Variants in SBNO2 observed in about 807,000 individuals in gnomAD.
The protein encoded by SBNO2 is protein strawberry notch homolog 2.
In SBNO2, 89 loss-of-function variants were observed where a neutral mutation model predicts 146.3. That is an observed-to-expected ratio of 0.61 (90% CI 0.51 to 0.73). The LOEUF is 0.73. Among genes scored for constraint, SBNO2 ranks in the 30% least tolerant of loss-of-function variants. The pLI, the probability that SBNO2 is intolerant of heterozygous loss-of-function variation, is 0.00. For synonymous variants in SBNO2, 1,147 were observed against 892.6 expected (o/e 1.29, Z -5.08); for missense variants, 2,092 against 2,003.7 (o/e 1.04, Z -0.84).
At chr19:1,113,053 C>T (rs533557019) in intron 19 of SBNO2, 104 bp from the exon 20 acceptor site, 1 of 1,355,048 alleles carries the variant, frequency 7.4e-7, no homozygotes, top group Non-Finnish European at 9.9e-7. Flanking sequence ...GTCATGGGCT[C>T]CCAGCTGTGC....
rs1073667 is a variant in SBNO2, at chr19:1,126,921, C to G, written c.441+683G>C. Among the ~76,000 whole-genome samples the G allele has an allele frequency of 6.6e-6, 1 of 152,230 alleles. No homozygotes were observed. The highest frequency in any genetic ancestry group is 1.5e-5 in the Non-Finnish European group (1 of 68,030). ...CGGCTAGAGGCTAGGCCCGAAGAAC[C>G]TGGGGGCCCTGCTGCCCTACAACCC... On this transcript the variant is annotated intron_variant, in intron 5 of 31. Transcript: ENST00000361757. The surrounding 1 kb of genome is among the most constrained non-coding windows in gnomAD (Gnocchi z 4.4).
intron 2 of SBNO2, among the ~76,000 whole-genome samples, chr19:1,149,842 G>A (rs1341085994): frequency 6.6e-6 from 1 of 152,216 alleles, no homozygotes; most frequent in Non-Finnish European, 1.5e-5. Context: ...TTTGCGTGAG[G>A]GAGACGCGCA....
rs1280572340 is a variant in SBNO2 at position 1,112,181 on chromosome 19, C to G, written c.2628+8G>C. The stretch of plus-strand genomic sequence containing the variant: ...CCCTGGTTCTCAGCCCCACCCCCAC[C>G]TGCTCACCAGACTCTCCAGGCGCTT... On this transcript the variant is annotated splice_region_variant and intron_variant, in intron 22 of 31. Coordinates refer to ENST00000361757, the MANE Select transcript of SBNO2 (RefSeq NM_014963.3). The surrounding 1 kb of genome is among the most constrained non-coding windows in gnomAD (Gnocchi z 5.9). 3 of 1,584,082 alleles carry G rather than the reference C, an allele frequency of 1.9e-6. No homozygotes were observed.
chr19:1,126,647 G>A lies in SBNO2; in HGVS notation c.441+957C>T, dbSNP rs1035969783. On this transcript the variant is annotated intron_variant, in intron 5 of 31. Transcript: ENST00000361757. This position sits in a 1 kb window ranked among gnomAD's most constrained non-coding sequence, Gnocchi z 4.4. Reference sequence around the variant, plus strand: ...CCCAAGCCCGTGAGTTCTGCTGCCCGGGTTGCCCCTTCCTGAGGGCCCGGG... The same window carrying A: ...CCCAAGCCCGTGAGTTCTGCTGCCCAGGTTGCCCCTTCCTGAGGGCCCGGG... Among the ~76,000 whole-genome samples, 7 of 152,148 alleles carry A rather than the reference G, an allele frequency of 4.6e-5. No individual in the cohort carries two copies. Among genetic ancestry groups the A allele is most frequent in the East Asian group, 1.9e-4 (1 of 5,188 alleles).
rs1197392177 is a variant in SBNO2, at chr19:1,109,180, T to C, written c.3380A>G (p.Glu1127Gly). 1.9e-6 allele frequency: 3 copies of C among 1,561,322 alleles called. No homozygotes were observed. Among genetic ancestry groups the C allele is most frequent in the South Asian group, 1.2e-5 (1 of 85,010 alleles). ...VTAEEAKEPW[E>G]SGYALSLTHC... ...CGTCAGCGACAAAGCGTAGCCACTCTCCCAGGGCTCCTTGGCCTCCTCCGC... is the reference window on the plus strand; with the variant it reads ...CGTCAGCGACAAAGCGTAGCCACTCCCCCAGGGCTCCTTGGCCTCCTCCGC... Residue 1127 changes from glutamate (E) to glycine (G), a missense_variant, in exon 30 of 32, where the codon GAG (glutamate) becomes GGG (glycine). By Grantham distance (98) the Glu-to-Gly change is moderately conservative. Transcript: ENST00000361757. This position sits in a 1 kb window ranked among gnomAD's most constrained non-coding sequence, Gnocchi z 4.2.
Position 1,140,313 on chromosome 19 carries a change from AAGC to A in SBNO2, c.279+6993_279+6995del, listed in dbSNP as rs1170605992. 1.4e-4 allele frequency among the ~76,000 whole-genome samples: 21 copies of A among 151,910 alleles called. No homozygotes were observed. The highest frequency in any genetic ancestry group is 3.1e-4 in the African/African-American group (13 of 41,492). ...AGATTTCATCTCAAAAAAAAAAAAA[AAGC>A]AGCAGCAACACAGAGCCACGTGTCC... On this transcript the variant is annotated intron_variant, in intron 4 of 31. Transcript: ENST00000361757. This position sits in a 1 kb window ranked among gnomAD's most constrained non-coding sequence, Gnocchi z 4.4.
rs542765522 is a variant in SBNO2, at chr19:1,116,806, C to A, written c.1802+23G>T. 15 of 1,558,150 alleles carry A rather than the reference C, an allele frequency of 9.6e-6. No individual in the cohort carries two copies. The East Asian group carries it at 3.1e-4, about 32-fold the overall frequency. ...GCCATGAGCGCAGGAAGCCCACAGTCCTGTCCCCACCGTGACACTTACTCA... is the reference window on the plus strand; with the variant it reads ...GCCATGAGCGCAGGAAGCCCACAGTACTGTCCCCACCGTGACACTTACTCA... On this transcript the variant is annotated intron_variant, in intron 16 of 31. Coordinates refer to ENST00000361757, the MANE Select transcript of SBNO2 (RefSeq NM_014963.3).
At chr19:1,120,795 A>G (rs1416479883) in intron 11 of SBNO2, among the ~76,000 whole-genome samples, 1 of 150,496 alleles carries the variant, frequency 6.6e-6, no homozygotes, top group Admixed American at 6.6e-5. Flanking sequence ...CAGCCTCCTG[A>G]GTAGCTGGGA....
rs538217265 is a variant in SBNO2 at position 1,125,694 on chromosome 19, G to T, written c.442-1672C>A. On this transcript the variant is annotated intron_variant, in intron 5 of 31. Coordinates refer to ENST00000361757, the MANE Select transcript of SBNO2 (RefSeq NM_014963.3). The stretch of plus-strand genomic sequence containing the variant: ...CTGTCTTAAAAAAAGAAAAAAAAAA[G>T]TGTGAAGAATTGGAAAGGGGAGAAT... Among the ~76,000 whole-genome samples the T allele has an allele frequency of 1.0e-3, 155 of 150,202 alleles. 1 individual carries two copies. Among genetic ancestry groups the T allele is most frequent in the African/African-American group, 3.6e-3 (146 of 40,854 alleles).
rs1362285005 is a variant in SBNO2 at position 1,119,929 on chromosome 19, C to T, written c.1244G>A (p.Arg415His). 4 of 1,548,570 alleles carry T rather than the reference C, an allele frequency of 2.6e-6. No individual in the cohort carries two copies. The highest frequency in any genetic ancestry group is 3.5e-6 in the Non-Finnish European group (4 of 1,146,934). Residue 415 changes from arginine (R) to histidine (H), a missense_variant, in exon 12 of 32, where the codon CGC (arginine) becomes CAC (histidine). Arg to His is a conservative substitution (Grantham distance 29). Coordinates refer to ENST00000361757, the MANE Select transcript of SBNO2 (RefSeq NM_014963.3). ...ACCTGTGGCGCTGGCGTAGACCACG[C>T]GGGCCAGGGGCAGCTTGTTCTGCAG... is the stretch of plus-strand genomic sequence containing the variant. The part of the protein sequence containing the change: ...LDLQNKLPLA[R>H]VVYASATGAS...
At position 1,109,001 on chromosome 19, in the gene SBNO2, C is replaced by A; in HGVS notation, c.3426-32G>T. The A allele has an allele frequency of 1.3e-6, 2 of 1,493,166 alleles. No homozygotes were observed. Among genetic ancestry groups the A allele is most frequent in the South Asian group, 1.3e-5 (1 of 77,330 alleles). The allele number at this position is 1,493,166 out of a possible 1,614,324, so 92.5% of individuals were successfully genotyped here. On this transcript the variant is annotated intron_variant, in intron 30 of 31. Transcript: ENST00000361757. The surrounding 1 kb of genome is among the most constrained non-coding windows in gnomAD (Gnocchi z 4.2). ...ACGAGACGGGTCGTCTCGGCTCAGG[C>A]GGGTCCCAGGGGCCCGCAGGCTCCC...
chr19:1,149,262 T>C, intron 3 of SBNO2, 107 bp downstream of exon 3: 1 of 1,053,482 alleles, frequency 9.5e-7, no homozygotes, highest in Non-Finnish European at 1.4e-6. Context: ...TCCAAACCCC[T>C]CAACAAGACT....
intron 1 of SBNO2, among the ~76,000 whole-genome samples, chr19:1,164,074 G>A (rs891651676): frequency 1.3e-5 from 2 of 152,204 alleles, no homozygotes; most frequent in Non-Finnish European, 2.9e-5. Flanking sequence ...TCAGGCCCGC[G>A]GCCATCACGG....
At chr19:1,164,337 C>T (rs2080380255) in intron 1 of SBNO2, among the ~76,000 whole-genome samples, 1 of 148,966 alleles carries the variant, frequency 6.7e-6, no homozygotes, top group Non-Finnish European at 1.5e-5. Context: ...TGCACAGGAA[C>T]AGGTGCTAGG....
At chr19:1,160,663 G>C (rs1035782791) in intron 1 of SBNO2, among the ~76,000 whole-genome samples, 3 of 152,078 alleles carry the variant, frequency 2.0e-5, no homozygotes, top group Admixed American at 6.6e-5. Flanking sequence ...TGGAGTAACT[G>C]GGATGACAGG....
chr19:1,172,324 C>T (rs1418763636), intron 1 of SBNO2, among the ~76,000 whole-genome samples: 1 of 152,206 alleles, frequency 6.6e-6, no homozygotes, highest in East Asian at 1.9e-4. Flanking sequence ...TCAAATTCGC[C>T]CTTTCTCGGC....
chr19:1,130,839 C>T, intron 4 of SBNO2, among the ~76,000 whole-genome samples: 1 of 152,206 alleles, frequency 6.6e-6, no homozygotes, highest in Non-Finnish European at 1.5e-5. Flanking sequence ...GGAGTGCTTG[C>T]AGCTTTCAGG....
rs866416511 is a variant in SBNO2 at position 1,122,530 on chromosome 19, C to T, written c.943G>A (p.Asp315Asn). 5 of 1,558,074 alleles carry T rather than the reference C, an allele frequency of 3.2e-6. No individual in the cohort carries two copies. Among genetic ancestry groups the T allele is most frequent in the Admixed American group, 1.9e-5 (1 of 52,944 alleles). ...ATGTCCCGCAGGTCGCGCTCCGCAT[C>T]GTACTTGAGGTCGTTGGAGACGCTG... ...WFSVSNDLKY[D>N]AERDLRDIEA... is the part of the protein sequence containing the mutation. The change falls in exon 10 of 32, where the codon GAT becomes AAT. Residue 315 changes from aspartate (D) to asparagine (N), a missense_variant. Coordinates refer to ENST00000361757, the MANE Select transcript of SBNO2 (RefSeq NM_014963.3).
At chr19:1,164,807 AGGAGGAGCAGGAGGAG>A (rs1312650479) in intron 1 of SBNO2, among the ~76,000 whole-genome samples, 3 of 48 alleles carry the variant, frequency 0.062, no homozygotes, top group African/African-American at 0.17. Flanking sequence ...GAGGAGGAGG[AGGAGGAGCAGGAGGAG>A]GGAGGAGGAA....
Sources: gnomAD v4.1 joint callset for allele counts (sites outside exome capture counted in the v4.1 genomes callset) on GRCh38, gnomAD v4.1.1 for gene constraint, Gnocchi (gnomAD v3.1) non-coding constraint, MANE v1.5 for transcripts, NCBI Gene and HGNC (gene_info 2026-07-23, HGNC 2026-07-21) for gene names.